The following CAMK1D variants were observed in gnomAD, a reference collection of about 807,000 sequenced individuals.
CAMK1D encodes the protein calcium/calmodulin dependent protein kinase ID, also known as calcium/calmodulin-dependent protein kinase type 1D.
Under a neutral mutation model 47.7 loss-of-function variants are expected in CAMK1D, and 9 were observed. The observed-to-expected ratio is 0.19, with a 90% CI of 0.11 to 0.33. The LOEUF is 0.33. Among genes scored for constraint, CAMK1D ranks in the 10% least tolerant of loss-of-function variants. The pLI is 1.00. For synonymous variants in CAMK1D, 184 were observed against 184.9 expected, an observed-to-expected ratio of 0.99 and a Z score of 0.04; for missense variants, 291 against 488.7, an observed-to-expected ratio of 0.60 and a Z score of 3.81.
At chr10:12,684,764 A>C (rs1423323994) in intron 3 of CAMK1D, among the ~76,000 whole-genome samples, 2 of 145,776 alleles carry the variant, frequency 1.4e-5, no homozygotes, top group African/African-American at 5.0e-5. Flanking sequence ...ATATATTCAG[A>C]AGATGTTGGG....
chr10:12,736,464 T>A (rs1348832928), intron 3 of CAMK1D, among the ~76,000 whole-genome samples: 3 of 152,240 alleles, frequency 2.0e-5, no homozygotes, highest in Non-Finnish European at 4.4e-5. Flanking sequence ...TTGATTTTTT[T>A]AAAGCAATTT....
intron 1 of CAMK1D, among the ~76,000 whole-genome samples, chr10:12,464,248 C>G (rs754961252): frequency 7.9e-5 from 12 of 152,140 alleles, no homozygotes; most frequent in Non-Finnish European, 1.6e-4. Flanking sequence ...TCTGCAGATA[C>G]CTAGCAGAGG....
chr10:12,389,027 T>C lies in CAMK1D; in HGVS notation c.92+39117T>C, dbSNP rs143317474. 2.7e-3 allele frequency among the ~76,000 whole-genome samples: 407 copies of C among 152,318 alleles called. 2 individuals carry two copies. The highest frequency in any genetic ancestry group is 4.6e-3 in the Non-Finnish European group (315 of 68,026). ...CTGATGGAGACACCACCATACTCCATGGAAGGTCCTTCCTGTCCGATCTGT... is the reference window on the plus strand; with the variant it reads ...CTGATGGAGACACCACCATACTCCACGGAAGGTCCTTCCTGTCCGATCTGT... On this transcript the variant is annotated intron_variant, in intron 1 of 10. Transcript: ENST00000619168.
At chr10:12,815,582 G>C (rs1247794044) in intron 7 of CAMK1D, among the ~76,000 whole-genome samples, 1 of 152,246 alleles carries the variant, frequency 6.6e-6, no homozygotes, top group African/African-American at 2.4e-5. Context: ...TTGAGGGGCC[G>C]CACCCTGCAG....
intron 1 of CAMK1D, among the ~76,000 whole-genome samples, chr10:12,374,074 A>G (rs1478385108): frequency 2.6e-5 from 4 of 151,464 alleles, no homozygotes; most frequent in Non-Finnish European, 5.9e-5. Context: ...AGCCTGACCA[A>G]CATGGTGAAA....
intron 2 of CAMK1D, among the ~76,000 whole-genome samples, chr10:12,571,453 CAAAAAA>C (rs766454210): frequency 4.5e-5 from 4 of 89,736 alleles, no homozygotes; most frequent in Admixed American, 1.4e-4. Context: ...GACTCCATCA[CAAAAAA>C]AAAAAAAAAA....
At chr10:12,695,973 G>A (rs1381943435) in intron 3 of CAMK1D, among the ~76,000 whole-genome samples, 1 of 152,058 alleles carries the variant, frequency 6.6e-6, no homozygotes, top group Non-Finnish European at 1.5e-5. Flanking sequence ...AGCTACTTGG[G>A]AGGCTGAGGC....
At chr10:12,544,698 C>CTAGTACTAGTGTTGAGTGGA (rs1255044435) in intron 1 of CAMK1D, among the ~76,000 whole-genome samples, 1 of 152,000 alleles carries the variant, frequency 6.6e-6, no homozygotes, top group African/African-American at 2.4e-5. Flanking sequence ...GTACTGTTTT[C>CTAGTACTAGTGTTGAGTGGA]TAGTACTAGT....
In CAMK1D at chr10:12,462,463, C is replaced by T. The variant is rs544496623; in HGVS notation, c.93-90762C>T. The stretch of plus-strand genomic sequence containing the variant: ...ATAGGCATGAGCCACTGCGCCTGGC[C>T]AAGAATTTTTTTTTTTTTTTTGAAT... On this transcript the variant is annotated intron_variant, in intron 1 of 10. Coordinates refer to ENST00000619168, the MANE Select transcript of CAMK1D (RefSeq NM_153498.4). 3.9e-4 allele frequency among the ~76,000 whole-genome samples: 44 copies of T among 113,036 alleles called. No homozygotes were observed. In the East Asian group the frequency reaches 6.9e-3, roughly 18 times the overall value. 74.2% of individuals were successfully genotyped at this position (113,036 alleles called of 152,430 possible).
intron 1 of CAMK1D, among the ~76,000 whole-genome samples, chr10:12,379,943 G>A (rs933349037): frequency 2.0e-5 from 3 of 151,980 alleles, no homozygotes; most frequent in Admixed American, 6.6e-5. Flanking sequence ...GGCCGGGCGC[G>A]GTGGCTCACG....
At chr10:12,827,261 T>C (rs1833246058) in intron 10 of CAMK1D, among the ~76,000 whole-genome samples, 1 of 85,332 alleles carries the variant, frequency 1.2e-5, no homozygotes, top group Admixed American at 1.2e-4. Context: ...TCTTTCTTTT[T>C]CTTTCCTTCT....
intron 3 of CAMK1D, among the ~76,000 whole-genome samples, chr10:12,722,521 C>G (rs919293303): frequency 1.3e-5 from 2 of 148,258 alleles, no homozygotes; most frequent in South Asian, 4.3e-4. Flanking sequence ...ACAAAGTTAT[C>G]CCCTAGAAGT....
intron 6 of CAMK1D, among the ~76,000 whole-genome samples, chr10:12,802,657 A>G (rs1838535608): frequency 6.6e-6 from 1 of 152,106 alleles, no homozygotes; most frequent in African/African-American, 2.4e-5. Flanking sequence ...AGTAGCTGAG[A>G]TTACAGCTGT....
At chr10:12,581,170 A>G (rs1301054243) in intron 2 of CAMK1D, among the ~76,000 whole-genome samples, 3 of 152,190 alleles carry the variant, frequency 2.0e-5, no homozygotes, top group Admixed American at 1.3e-4. Context: ...TACTTCACTT[A>G]GTATTATGGT....
intron 1 of CAMK1D, among the ~76,000 whole-genome samples, chr10:12,462,947 G>A (rs1833480023): frequency 6.6e-6 from 1 of 152,188 alleles, no homozygotes; most frequent in Non-Finnish European, 1.5e-5. Context: ...GCAGAGCCTA[G>A]CAGCATAGAC....
chr10:12,803,781 C>T (rs1838591143), intron 6 of CAMK1D, among the ~76,000 whole-genome samples: 2 of 152,204 alleles, frequency 1.3e-5, no homozygotes, highest in African/African-American at 4.8e-5. Flanking sequence ...CTGGGACTCA[C>T]TTTCCCTGTC....
At chr10:12,400,774 CT>C (rs1839147860) in intron 1 of CAMK1D, among the ~76,000 whole-genome samples, 1 of 151,574 alleles carries the variant, frequency 6.6e-6, no homozygotes, top group Non-Finnish European at 1.5e-5. Context: ...GAAATGCGTT[CT>C]TCTGGTTTAA....
chr10:12,510,512 C>G (rs995612599), intron 1 of CAMK1D, among the ~76,000 whole-genome samples: 2 of 152,238 alleles, frequency 1.3e-5, no homozygotes, highest in Non-Finnish European at 2.9e-5. Context: ...CTTTTACCTA[C>G]CACACAAACA....
chr10:12,499,819 C>T (rs1463110191), intron 1 of CAMK1D, among the ~76,000 whole-genome samples: 1 of 152,146 alleles, frequency 6.6e-6, no homozygotes, highest in Non-Finnish European at 1.5e-5. Context: ...AGTTCTGGAA[C>T]CTCACCATAG....
Sources: allele counts gnomAD v4.1 joint callset (sites outside exome capture counted in the v4.1 genomes callset), GRCh38; gene constraint gnomAD v4.1.1; transcripts MANE v1.5; gene names NCBI Gene and HGNC (gene_info 2026-07-23, HGNC 2026-07-21).